The following NRCAM variants were observed in gnomAD, a reference collection of about 807,000 sequenced individuals.
NRCAM encodes NgCAM-related cell adhesion molecule.
Under a neutral mutation model 156.5 loss-of-function variants are expected in NRCAM, and 83 were observed. That is an observed-to-expected ratio of 0.53 (90% CI 0.44 to 0.64). The LOEUF is 0.64. Ranked by LOEUF, NRCAM falls within the 30% of genes least tolerant of loss-of-function variation. The probability of loss-of-function intolerance (pLI) is 0.00; values close to 1 mark genes in which losing one functional copy is unlikely to be tolerated. For missense variants in NRCAM, 1,417 were observed against 1,597.3 expected, an observed-to-expected ratio of 0.89 and a Z score of 1.92; for synonymous variants, 538 against 563.9, an observed-to-expected ratio of 0.95 and a Z score of 0.65.
intron 14 of NRCAM, among the ~76,000 whole-genome samples, chr7:108,197,085 T>C (rs379986): frequency 0.7 from 106,728 of 152,020 alleles, 38,925 homozygotes; most frequent in East Asian, 0.88. Context: ...ACCTGGAGGA[T>C]GTTGTGTTAA....
intron 13 of NRCAM, among the ~76,000 whole-genome samples, chr7:108,200,277 TCAACAGGGTATATA>T (rs1220127369): frequency 1.3e-5 from 2 of 152,200 alleles, no homozygotes. Flanking sequence ...CATAATTCCT[TCAACAGGGTATATA>T]GATTCGTTGA....
intron 2 of NRCAM, among the ~76,000 whole-genome samples, chr7:108,330,110 C>T (rs1278040197): frequency 6.6e-6 from 1 of 152,142 alleles, no homozygotes; most frequent in Non-Finnish European, 1.5e-5. Flanking sequence ...TATAGTGTTA[C>T]TCCTTTTGGT....
chr7:108,361,522 T>C (rs751786138), intron 2 of NRCAM, among the ~76,000 whole-genome samples: 1 of 152,144 alleles, frequency 6.6e-6, no homozygotes, highest in Non-Finnish European at 1.5e-5. Context: ...TGTCTGACAG[T>C]TTTTGAATTG....
Position 108,234,375 on chromosome 7 carries a change from ACCTTCAG to A in NRCAM, c.230+201_230+207del, listed in dbSNP as rs202216994. Among the ~76,000 whole-genome samples the A allele has an allele frequency of 4.7e-3, 720 of 152,278 alleles. 10 individuals carry two copies. The highest frequency in any genetic ancestry group is 0.017 in the African/African-American group (694 of 41,564). ...AGGGATATGCAGGACCCAAGAAGTT[ACCTTCAG>A]TATCTTTGAAGGGCTGAAATGGGCT... On this transcript the variant is annotated intron_variant, in intron 6 of 32. Coordinates refer to ENST00000379028, the MANE Select transcript of NRCAM (RefSeq NM_001037132.4).
chr7:108,297,872 A>G (rs1230566319), intron 3 of NRCAM, among the ~76,000 whole-genome samples: 1 of 152,192 alleles, frequency 6.6e-6, no homozygotes, highest in Admixed American at 6.5e-5. Flanking sequence ...CCAGAAAATG[A>G]TATCTGAGCA....
intron 1 of NRCAM, among the ~76,000 whole-genome samples, chr7:108,423,474 A>G (rs1257926636): frequency 6.6e-6 from 1 of 152,170 alleles, no homozygotes; most frequent in Non-Finnish European, 1.5e-5. Flanking sequence ...GAATGACGAG[A>G]TAAAAATAAA....
At chr7:108,420,593 C>T (rs1304397339) in intron 1 of NRCAM, among the ~76,000 whole-genome samples, 2 of 152,140 alleles carry the variant, frequency 1.3e-5, no homozygotes, top group South Asian at 2.1e-4. Flanking sequence ...TTCCTGTCTC[C>T]GTAAGTACCC....
intron 5 of NRCAM, among the ~76,000 whole-genome samples, 159 bp downstream of exon 5, chr7:108,237,593 G>A (rs982038421): frequency 6.6e-6 from 1 of 152,044 alleles, no homozygotes; most frequent in Non-Finnish European, 1.5e-5. Flanking sequence ...ACTGCTTCTT[G>A]GTATTGAAAT....
At chr7:108,437,608 A>G (rs1833783132) in intron 1 of NRCAM, among the ~76,000 whole-genome samples, 1 of 152,160 alleles carries the variant, frequency 6.6e-6, no homozygotes, top group Non-Finnish European at 1.5e-5. Context: ...ACAAAAAACA[A>G]CGGAGGCCTG....
At chr7:108,251,294 T>C (rs912045037) in intron 3 of NRCAM, among the ~76,000 whole-genome samples, 1 of 152,258 alleles carries the variant, frequency 6.6e-6, no homozygotes, top group African/African-American at 2.4e-5. Flanking sequence ...TTTATTCTTA[T>C]CATTTTTCTT....
intron 1 of NRCAM, among the ~76,000 whole-genome samples, chr7:108,416,214 T>G (rs1801384058): frequency 6.6e-6 from 1 of 152,226 alleles, no homozygotes; most frequent in African/African-American, 2.4e-5. Flanking sequence ...CTGCATTTGC[T>G]TTAAATAAAA....
At chr7:108,417,388 G>A (rs1416662273) in intron 1 of NRCAM, among the ~76,000 whole-genome samples, 4 of 152,120 alleles carry the variant, frequency 2.6e-5, no homozygotes, top group African/African-American at 9.7e-5. Context: ...ACAAGAGAGA[G>A]CAAGAGAGAC....
chr7:108,383,159 T>C (rs2099709637), intron 2 of NRCAM, among the ~76,000 whole-genome samples: 1 of 102,526 alleles, frequency 9.8e-6, no homozygotes, highest in Non-Finnish European at 2.0e-5. Context: ...CACACACCCC[T>C]TGGTGTTGCC....
intron 2 of NRCAM, among the ~76,000 whole-genome samples, chr7:108,381,841 G>T (rs988039300): frequency 1.3e-5 from 2 of 152,100 alleles, no homozygotes; most frequent in Admixed American, 6.5e-5. Context: ...GATTACAGCC[G>T]TGAGTCACTG....
In NRCAM at chr7:108,198,112, A is replaced by T. The variant is rs2076080711; in HGVS notation, c.1208-13T>A. The T allele has an allele frequency of 6.3e-7, 1 of 1,584,526 alleles. No homozygotes were observed. The highest frequency in any genetic ancestry group is 8.5e-7 in the Non-Finnish European group (1 of 1,169,974). On this transcript the variant is annotated splice_polypyrimidine_tract_variant and intron_variant, in intron 13 of 32. Coordinates refer to ENST00000379028, the MANE Select transcript of NRCAM (RefSeq NM_001037132.4). ...TCATCAGGGGCAACTGTTTGGATGT[A>T]AAAATAGAAAGTATTTATTCCTATT...
intron 1 of NRCAM, among the ~76,000 whole-genome samples, chr7:108,449,502 G>A (rs192514600): frequency 6.6e-6 from 1 of 152,248 alleles, no homozygotes; most frequent in African/African-American, 2.4e-5. Flanking sequence ...GTTTTGGAAG[G>A]CAGCAGCGGA....
At chr7:108,164,958 T>C (rs1397432135) in intron 30 of NRCAM, among the ~76,000 whole-genome samples, 1 of 152,198 alleles carries the variant, frequency 6.6e-6, no homozygotes, top group Admixed American at 6.5e-5. Flanking sequence ...AAAGGAGTTG[T>C]CTTTTGTCCT....
In NRCAM at chr7:108,228,076, C is replaced by T. The variant is rs546478477; in HGVS notation, c.551-1698G>A. ...GTGGCTCATGTCTGTAATCCCAGCACTTTGGGAGGCCAAGGTGGGTGGATC... is the reference window on the plus strand; with the variant it reads ...GTGGCTCATGTCTGTAATCCCAGCATTTTGGGAGGCCAAGGTGGGTGGATC... On this transcript the variant is annotated intron_variant, in intron 8 of 32. Coordinates refer to ENST00000379028, the MANE Select transcript of NRCAM (RefSeq NM_001037132.4). 3.9e-5 allele frequency among the ~76,000 whole-genome samples: 6 copies of T among 152,272 alleles called. No homozygotes were observed. In the East Asian group the frequency reaches 7.7e-4, roughly 20 times the overall value.
chr7:108,321,774 C>A (rs772877655), intron 2 of NRCAM, among the ~76,000 whole-genome samples: 1 of 152,212 alleles, frequency 6.6e-6, no homozygotes, highest in Non-Finnish European at 1.5e-5. Flanking sequence ...TTTGGTCTGA[C>A]CAATTTTAAC....
Sources: allele counts gnomAD v4.1 joint callset (sites outside exome capture counted in the v4.1 genomes callset), GRCh38; gene constraint gnomAD v4.1.1; transcripts MANE v1.5; gene names NCBI Gene and HGNC (gene_info 2026-07-23, HGNC 2026-07-21).